CCDC170: variants seen among roughly 807,000 people sequenced by gnomAD.
CCDC170 encodes the protein coiled-coil domain containing 170.
A neutral mutation model predicts 72.6 loss-of-function variants in CCDC170; 69 were observed. The ratio of observed to expected loss-of-function variants is 0.95; its 90% confidence interval spans 0.78 to 1.16. The LOEUF is 1.16. CCDC170 is among the 50% of genes most tolerant of loss of function. The probability of loss-of-function intolerance (pLI) is 0.00; values close to 1 mark genes in which losing one functional copy is unlikely to be tolerated. For missense variants in CCDC170, 852 were observed against 832.5 expected (o/e 1.02, Z -0.29); for synonymous variants, 300 against 303.9 (o/e 0.99, Z 0.13).
chr6:151,511,529 C>T (rs1041530402), intron 1 of CCDC170, among the ~76,000 whole-genome samples: 4 of 152,238 alleles, frequency 2.6e-5, no homozygotes, highest in Non-Finnish European at 5.9e-5. Flanking sequence ...AGGAAATGTG[C>T]TTGGTGCTAA....
At chr6:151,502,438 C>A (rs977857749) in intron 1 of CCDC170, among the ~76,000 whole-genome samples, 2 of 152,144 alleles carry the variant, frequency 1.3e-5, no homozygotes, top group African/African-American at 4.8e-5. Flanking sequence ...TTCCCTTATG[C>A]TTTTCTTCTT....
chr6:151,502,698 A>G (rs968172414), intron 1 of CCDC170, among the ~76,000 whole-genome samples: 5 of 152,372 alleles, frequency 3.3e-5, no homozygotes, highest in Admixed American at 2.0e-4. Flanking sequence ...AATGGGAACC[A>G]TAAATATTCT....
At chr6:151,615,798 T>A in intron 10 of CCDC170, 119 bp downstream of exon 10, 1 of 773,464 alleles carries the variant, frequency 1.3e-6, no homozygotes, top group East Asian at 2.5e-5. Flanking sequence ...TTCATGAATT[T>A]GTATGTCATC....
intron 9 of CCDC170, among the ~76,000 whole-genome samples, chr6:151,609,493 A>G (rs541392866): frequency 6.6e-6 from 1 of 152,302 alleles, no homozygotes; most frequent in South Asian, 2.1e-4. Flanking sequence ...ATTGTTCACC[A>G]GATTTTAAAA....
rs141929042 is a variant in CCDC170 at position 151,540,281 on chromosome 6, C to T, written c.443+1980C>T. 7.8e-3 allele frequency among the ~76,000 whole-genome samples: 1,178 copies of T among 150,344 alleles called. 3 individuals are homozygous for T. Among genetic ancestry groups the T allele is most frequent in the Non-Finnish European group, 0.013 (866 of 67,686 alleles). The stretch of plus-strand genomic sequence containing the variant: ...AATGCCTTCTTGCTGTATCCTCACA[C>T]GGCAGAGAAAGAGATCACCTCTCCA... On this transcript the variant is annotated intron_variant, in intron 3 of 10. Transcript: ENST00000239374.
chr6:151,587,152 G>A (rs939920696), intron 7 of CCDC170, among the ~76,000 whole-genome samples: 2 of 152,066 alleles, frequency 1.3e-5, no homozygotes, highest in East Asian at 1.9e-4. Context: ...GGAGGGTCTC[G>A]GAAACAATGG....
chr6:151,516,271 G>A (rs1254041300), intron 1 of CCDC170, among the ~76,000 whole-genome samples: 2 of 152,144 alleles, frequency 1.3e-5, no homozygotes, highest in Non-Finnish European at 1.5e-5. Context: ...AGGGAGAAGG[G>A]TATAATGAAG....
chr6:151,534,068 C>CTTT (rs11359591), intron 1 of CCDC170, among the ~76,000 whole-genome samples: 12 of 141,580 alleles, frequency 8.5e-5, no homozygotes, highest in Admixed American at 2.8e-4. Context: ...TCATTCATTC[C>CTTT]TTTTTTTTTT....
chr6:151,516,861 G>C (rs1026349555), intron 1 of CCDC170, among the ~76,000 whole-genome samples: 4 of 152,160 alleles, frequency 2.6e-5, no homozygotes, highest in Non-Finnish European at 2.9e-5. Flanking sequence ...TGCCTGGCTG[G>C]TGCCATATTG....
At chr6:151,603,857 C>T (rs569990255) in intron 9 of CCDC170, among the ~76,000 whole-genome samples, 1 of 152,314 alleles carries the variant, frequency 6.6e-6, no homozygotes, top group African/African-American at 2.4e-5. Context: ...TGATACAACA[C>T]TTCTTATGTC....
At chr6:151,607,450 G>A (rs1266337964) in intron 9 of CCDC170, among the ~76,000 whole-genome samples, 1 of 151,910 alleles carries the variant, frequency 6.6e-6, no homozygotes, top group Non-Finnish European at 1.5e-5. Flanking sequence ...TCCCATTTGT[G>A]TATCTGCTTT....
chr6:151,596,976 G>A (rs1050397845), intron 9 of CCDC170, among the ~76,000 whole-genome samples: 1 of 151,970 alleles, frequency 6.6e-6, no homozygotes, highest in Non-Finnish European at 1.5e-5. Flanking sequence ...ACAGGCATGC[G>A]CCACCACGCC....
At chr6:151,495,471 T>C (rs1582996708) in intron 1 of CCDC170, among the ~76,000 whole-genome samples, 1 of 152,054 alleles carries the variant, frequency 6.6e-6, no homozygotes, top group East Asian at 1.9e-4. Flanking sequence ...CCTTTTTTTC[T>C]CTTGTTCTCT....
At chr6:151,501,562 C>T (rs1781995468) in intron 1 of CCDC170, among the ~76,000 whole-genome samples, 1 of 152,190 alleles carries the variant, frequency 6.6e-6, no homozygotes, top group South Asian at 2.1e-4. Context: ...CATCCAACTT[C>T]ATTTTAGCTT....
At chr6:151,571,180 C>T (rs1776214209) in intron 5 of CCDC170, among the ~76,000 whole-genome samples, 1 of 152,108 alleles carries the variant, frequency 6.6e-6, no homozygotes, top group Non-Finnish European at 1.5e-5. Context: ...TCTTTTAAAG[C>T]CCAGTTCTAA....
At chr6:151,584,261 A>G (rs1776419272) in intron 6 of CCDC170, among the ~76,000 whole-genome samples, 1 of 152,330 alleles carries the variant, frequency 6.6e-6, no homozygotes, top group South Asian at 2.1e-4. Context: ...CCTACTGGAC[A>G]GTGTCTTTAC....
intron 1 of CCDC170, among the ~76,000 whole-genome samples, chr6:151,514,408 A>G (rs1256469587): frequency 4.0e-5 from 5 of 126,532 alleles, no homozygotes; most frequent in Non-Finnish European, 3.2e-5. Context: ...AGGGAGGGAA[A>G]TTTTGCCTGG....
intron 4 of CCDC170, among the ~76,000 whole-genome samples, chr6:151,546,509 G>C (rs1049318250): frequency 3.3e-5 from 5 of 152,054 alleles, no homozygotes; most frequent in Admixed American, 1.3e-4. Flanking sequence ...TGAGCCGGGA[G>C]AGCCTGCCCT....
chr6:151,499,055 T>C (rs914020306), intron 1 of CCDC170, among the ~76,000 whole-genome samples: 8 of 141,726 alleles, frequency 5.6e-5, no homozygotes, highest in Non-Finnish European at 1.1e-4. Context: ...TGTATTTGAC[T>C]ATTCTAGGCA....
Sources: allele counts gnomAD v4.1 joint callset (sites outside exome capture counted in the v4.1 genomes callset), GRCh38; gene constraint gnomAD v4.1.1; transcripts MANE v1.5; gene names NCBI Gene and HGNC (gene_info 2026-07-23, HGNC 2026-07-21).